Variants in ARHGEF3 observed in about 807,000 individuals in gnomAD.
ARHGEF3 encodes Rho guanine nucleotide exchange factor 3.
A neutral mutation model predicts 63.2 loss-of-function variants in ARHGEF3; 28 were observed. That is an observed-to-expected ratio of 0.44 (90% CI 0.33 to 0.61). The LOEUF (loss-of-function observed/expected upper bound fraction) is 0.61. Among genes scored for constraint, ARHGEF3 ranks in the 20% least tolerant of loss-of-function variants. The pLI is 0.03. For missense variants in ARHGEF3, 533 were observed against 659.3 expected, an observed-to-expected ratio of 0.81 and a Z score of 2.10; for synonymous variants, 266 against 254.2, an observed-to-expected ratio of 1.05 and a Z score of -0.44.
At chr3:57,001,875 T>G (rs1019661264) in intron 2 of ARHGEF3, among the ~76,000 whole-genome samples, 1 of 152,144 alleles carries the variant, frequency 6.6e-6, no homozygotes, top group African/African-American at 2.4e-5. Flanking sequence ...TGAGTCAGTT[T>G]TGTAGTCTCG....
intron 2 of ARHGEF3, among the ~76,000 whole-genome samples, chr3:57,016,603 G>T (rs917631843): frequency 6.6e-6 from 1 of 152,244 alleles, no homozygotes; most frequent in East Asian, 1.9e-4. Context: ...CCATGCAAAT[G>T]TTTTATTATT....
At chr3:56,896,365 C>T (rs954984061) in intron 3 of ARHGEF3, among the ~76,000 whole-genome samples, 2 of 151,940 alleles carry the variant, frequency 1.3e-5, no homozygotes, top group Non-Finnish European at 2.9e-5. Flanking sequence ...CCCTTTAGAC[C>T]CTAAATACTT....
Position 56,895,020 on chromosome 3 carries a change from C to T in ARHGEF3, c.130-12666G>A, listed in dbSNP as rs762549461. On this transcript the variant is annotated intron_variant, in intron 3 of 12. Coordinates refer to the ARHGEF3 transcript ENST00000338458. ...TTACTCAGAACTTGACAGAACATGA[C>T]AGTGTCACTAAAGAAGGCGTACCCT... 7.2e-5 allele frequency among the ~76,000 whole-genome samples: 11 copies of T among 152,274 alleles called. No individual in the cohort carries two copies. In the East Asian group the frequency reaches 2.1e-3, roughly 29 times the overall value.
At chr3:56,807,953 G>A (rs950595574) in intron 4 of ARHGEF3, among the ~76,000 whole-genome samples, 8 of 151,754 alleles carry the variant, frequency 5.3e-5, no homozygotes, top group Non-Finnish European at 1.2e-4. Flanking sequence ...GTGAAACCCC[G>A]TCTCTACTAA....
At chr3:57,043,999 T>C (rs1704340051) in intron 1 of ARHGEF3, among the ~76,000 whole-genome samples, 1 of 152,214 alleles carries the variant, frequency 6.6e-6, no homozygotes, top group Non-Finnish European at 1.5e-5. Flanking sequence ...GAGAGACATT[T>C]TGTCAGCTCC....
At chr3:56,755,792 T>G (rs964167097) in intron 2 of ARHGEF3, among the ~76,000 whole-genome samples, 12 of 152,110 alleles carry the variant, frequency 7.9e-5, no homozygotes, top group African/African-American at 2.9e-4. Flanking sequence ...CAACTCTCCC[T>G]AGTTACACAG....
At chr3:56,891,109 C>A (rs1430939783) in intron 3 of ARHGEF3, among the ~76,000 whole-genome samples, 1 of 151,254 alleles carries the variant, frequency 6.6e-6, no homozygotes, top group Non-Finnish European at 1.5e-5. Context: ...ACATTTTGTT[C>A]TTCTCCAGTC....
At chr3:56,954,526 C>A (rs755277814) in intron 3 of ARHGEF3, among the ~76,000 whole-genome samples, 2 of 152,168 alleles carry the variant, frequency 1.3e-5, no homozygotes, top group Non-Finnish European at 2.9e-5. Flanking sequence ...TCCTACTGTT[C>A]CTTCCATGTC....
intron 2 of ARHGEF3, among the ~76,000 whole-genome samples, chr3:56,959,533 C>A (rs2106750116): frequency 6.6e-6 from 1 of 152,328 alleles, no homozygotes; most frequent in East Asian, 1.9e-4. Context: ...AATATAACTA[C>A]AGGAATACCT....
At chr3:57,067,223 G>A (rs898782142) in intron 1 of ARHGEF3, among the ~76,000 whole-genome samples, 1 of 151,848 alleles carries the variant, frequency 6.6e-6, no homozygotes, top group Non-Finnish European at 1.5e-5. Flanking sequence ...AGGCCAAGGC[G>A]GGTGGATCAC....
intron 2 of ARHGEF3, among the ~76,000 whole-genome samples, chr3:56,991,959 T>C (rs1327649422): frequency 1.3e-5 from 2 of 152,074 alleles, no homozygotes; most frequent in African/African-American, 4.8e-5. Context: ...ATTCCAGCAT[T>C]CTTTTTTCCA....
chr3:56,952,375 C>T (rs1252807663), intron 3 of ARHGEF3, among the ~76,000 whole-genome samples: 3 of 152,080 alleles, frequency 2.0e-5, no homozygotes, highest in Non-Finnish European at 2.9e-5. Flanking sequence ...GGAAGAAGAC[C>T]CCAGGCCTCA....
At position 56,771,615 on chromosome 3, in the gene ARHGEF3, C is replaced by T. The variant is rs111231530; in HGVS notation, c.204+2094G>A. ...AGCTCATTACTGCCATGTGGGAACA[C>T]AGCACTGCAGCAAACCTACCAAAAG... On this transcript the variant is annotated intron_variant, in intron 2 of 9. Transcript: ENST00000296315. Among the ~76,000 whole-genome samples the T allele has an allele frequency of 8.9e-3, 1,350 of 152,298 alleles. 23 individuals carry two copies. Among genetic ancestry groups the T allele is most frequent in the African/African-American group, 0.029 (1,224 of 41,564 alleles).
intron 1 of ARHGEF3, among the ~76,000 whole-genome samples, chr3:57,036,054 C>G (rs1440493163): frequency 6.6e-6 from 1 of 152,118 alleles, no homozygotes; most frequent in Admixed American, 6.5e-5. Flanking sequence ...GAGCTTGGTA[C>G]ACACTATGTA....
intron 3 of ARHGEF3, among the ~76,000 whole-genome samples, chr3:56,895,929 A>G (rs1287302663): frequency 1.3e-5 from 2 of 152,178 alleles, no homozygotes; most frequent in Non-Finnish European, 2.9e-5. Context: ...TGATTAAATA[A>G]TTCTGAAATT....
chr3:57,012,629 G>T (rs1302981651), intron 2 of ARHGEF3, among the ~76,000 whole-genome samples: 3 of 152,212 alleles, frequency 2.0e-5, no homozygotes, highest in African/African-American at 7.2e-5. Context: ...ATCACCATTT[G>T]ACAAGTGAAC....
intron 8 of ARHGEF3, 113 bp from the exon 9 acceptor site, chr3:56,732,537 A>T: frequency 8.0e-7 from 1 of 1,244,176 alleles, no homozygotes; most frequent in Non-Finnish European, 1.1e-6. Context: ...CTGGATTATG[A>T]ACTCCTAGGT....
At chr3:56,802,469 A>G (rs2037707348), upstream of ARHGEF3, among the ~76,000 whole-genome samples, 1 of 152,170 alleles carries the variant, frequency 6.6e-6, no homozygotes, top group Non-Finnish European at 1.5e-5. Flanking sequence ...AATATAATCT[A>G]CAAATGGCAA....
intron 1 of ARHGEF3, among the ~76,000 whole-genome samples, chr3:57,070,716 T>C (rs957364754): frequency 1.3e-5 from 2 of 152,116 alleles, no homozygotes; most frequent in Non-Finnish European, 2.9e-5. Flanking sequence ...CCCAGCACTT[T>C]GGCAGGCCAA....
Sources: allele counts gnomAD v4.1 joint callset (sites outside exome capture counted in the v4.1 genomes callset), GRCh38; gene constraint gnomAD v4.1.1; transcripts MANE v1.5; gene names NCBI Gene and HGNC (gene_info 2026-07-23, HGNC 2026-07-21).